The following CAPZB variants were observed in gnomAD, a reference collection of about 807,000 sequenced individuals.
CAPZB encodes F-actin-capping protein subunit beta.
A neutral mutation model predicts 38.1 loss-of-function variants in CAPZB; 2 were observed. The observed-to-expected ratio is 0.05, with a 90% CI of 0.02 to 0.17. CAPZB has a LOEUF of 0.17. Among genes scored for constraint, CAPZB ranks in the 10% least tolerant of loss-of-function variants. The probability of loss-of-function intolerance (pLI) is 1.00; values close to 1 mark genes in which losing one functional copy is unlikely to be tolerated. For synonymous variants in CAPZB, 107 were observed against 127.4 expected (o/e 0.84, Z 1.08); for missense variants, 161 against 334.2 (o/e 0.48, Z 4.04).
At chr1:19,438,185 C>G (rs1300830441) in intron 1 of CAPZB, among the ~76,000 whole-genome samples, 4 of 152,142 alleles carry the variant, frequency 2.6e-5, no homozygotes, top group African/African-American at 9.7e-5. Flanking sequence ...GCGCTGCCAG[C>G]TGGAATCGCT....
chr1:19,340,340 G>C (rs1323642909), intron 8 of CAPZB, among the ~76,000 whole-genome samples: 1 of 152,216 alleles, frequency 6.6e-6, no homozygotes, highest in Non-Finnish European at 1.5e-5. Flanking sequence ...GCACAGGACA[G>C]CCAAGTGCCC....
rs572803899 is a variant in CAPZB at position 19,462,331 on chromosome 1, G to A, written c.3+23105C>T. ...AAATTAGCCAGGCGTGGTGGCGGGC[G>A]CCTGTAGTCCCAGCTACTCAGGAGG... On this transcript the variant is annotated intron_variant, in intron 1 of 8. Transcript: ENST00000264202. 7.6e-3 allele frequency among the ~76,000 whole-genome samples: 1,151 copies of A among 151,856 alleles called. 5 individuals are homozygous for A. The highest frequency in any genetic ancestry group is 0.024 in the African/African-American group (979 of 41,394).
intron 1 of CAPZB, among the ~76,000 whole-genome samples, chr1:19,448,141 G>A (rs2094502694): frequency 2.0e-5 from 3 of 152,186 alleles, no homozygotes; most frequent in Admixed American, 2.0e-4. Context: ...CGCATCAAGG[G>A]GCCACAGTCT....
At chr1:19,412,256 C>T (rs910810487) in intron 2 of CAPZB, among the ~76,000 whole-genome samples, 1 of 152,140 alleles carries the variant, frequency 6.6e-6, no homozygotes, top group South Asian at 2.1e-4. Flanking sequence ...ATCCATTCCG[C>T]GGCTCCTGCT....
chr1:19,407,953 C>T (rs2094340131), intron 2 of CAPZB, among the ~76,000 whole-genome samples: 1 of 152,214 alleles, frequency 6.6e-6, no homozygotes, highest in Non-Finnish European at 1.5e-5. Context: ...GGCTCACCTT[C>T]TGACCTCCAT....
chr1:19,351,551 CA>C (rs1043888603), intron 6 of CAPZB, among the ~76,000 whole-genome samples: 3 of 152,114 alleles, frequency 2.0e-5, no homozygotes, highest in African/African-American at 7.2e-5. Flanking sequence ...CCTGGCCAAA[CA>C]ATCTTCTTGC....
At chr1:19,434,016 A>C (rs575112189) in intron 1 of CAPZB, among the ~76,000 whole-genome samples, 4 of 152,346 alleles carry the variant, frequency 2.6e-5, no homozygotes, top group South Asian at 2.1e-4. Flanking sequence ...GAAATGTACA[A>C]TGCAACACTC....
At chr1:19,476,663 G>T (rs1312181631) in intron 1 of CAPZB, among the ~76,000 whole-genome samples, 1 of 152,228 alleles carries the variant, frequency 6.6e-6, no homozygotes, top group Non-Finnish European at 1.5e-5. Context: ...CTGTCCAGTA[G>T]GCCAAGCCAC....
At position 19,343,367 on chromosome 1, in the gene CAPZB, C is replaced by G. The variant is rs111484206; in HGVS notation, c.731+991G>C. On this transcript the variant is annotated intron_variant, in intron 8 of 8. Coordinates refer to ENST00000264202, the MANE Select transcript of CAPZB (RefSeq NM_004930.5). ...CCCAGTCCACGAGCTGGGGCAGCCC[C>G]GGGACTGCAGCCTGCCTCTCCTCTG... 2.0e-3 allele frequency among the ~76,000 whole-genome samples: 302 copies of G among 152,350 alleles called. 3 individuals carry two copies. Among genetic ancestry groups the G allele is most frequent in the Middle Eastern group, 3.4e-3 (1 of 294 alleles).
At chr1:19,342,761 CTTAA>C in intron 8 of CAPZB, 1 of 1,607,938 alleles carries the variant, frequency 6.2e-7, no homozygotes, top group South Asian at 1.1e-5. Context: ...CCTGGATCGG[CTTAA>C]TTATCAGGCT....
intron 2 of CAPZB, among the ~76,000 whole-genome samples, chr1:19,411,941 C>A (rs959942819): frequency 3.9e-5 from 6 of 152,198 alleles, no homozygotes; most frequent in African/African-American, 7.2e-5. Context: ...TCCGGAGAGG[C>A]CAGGATGGGC....
chr1:19,376,745 C>G (rs1226950876), intron 4 of CAPZB, among the ~76,000 whole-genome samples: 2 of 152,326 alleles, frequency 1.3e-5, no homozygotes, highest in African/African-American at 4.8e-5. Flanking sequence ...GGGCAGGGGC[C>G]TCATCTACCA....
intron 2 of CAPZB, among the ~76,000 whole-genome samples, chr1:19,415,095 T>C (rs2094373262): frequency 1.3e-5 from 2 of 152,250 alleles, no homozygotes; most frequent in South Asian, 4.1e-4. Context: ...CAGACCATGG[T>C]GGACTGGATC....
chr1:19,424,012 A>G (rs539445984), intron 1 of CAPZB, among the ~76,000 whole-genome samples: 2 of 151,668 alleles, frequency 1.3e-5, no homozygotes, highest in South Asian at 2.1e-4. Context: ...GGGTTTTGCT[A>G]TGTTGCCCAG....
intron 1 of CAPZB, among the ~76,000 whole-genome samples, chr1:19,483,617 C>G (rs2094638736): frequency 6.6e-6 from 1 of 152,232 alleles, no homozygotes; most frequent in East Asian, 1.9e-4. Flanking sequence ...TTCCCATCAC[C>G]TGGCGAGAAT....
intron 4 of CAPZB, among the ~76,000 whole-genome samples, chr1:19,360,178 C>A (rs996018164): frequency 2.0e-5 from 3 of 152,180 alleles, no homozygotes; most frequent in African/African-American, 7.2e-5. Context: ...AGTTAACTTA[C>A]GAGGCACATC....
At chr1:19,367,436 A>C (rs1430438689) in intron 4 of CAPZB, among the ~76,000 whole-genome samples, 4 of 152,360 alleles carry the variant, frequency 2.6e-5, no homozygotes, top group Non-Finnish European at 5.9e-5. Context: ...GTCCGTCAGA[A>C]ACACAAAGTG....
In CAPZB at chr1:19,386,755, C is replaced by T. The variant is rs150253552; in HGVS notation, c.94-1129G>A. On this transcript the variant is annotated intron_variant, in intron 2 of 8. Coordinates refer to ENST00000264202, the MANE Select transcript of CAPZB (RefSeq NM_004930.5). ...CTTTAGAACTCAGCTTGGAAAGCAA[C>T]GCCCAGCACAACTAAAGGACTGTAA... Among the ~76,000 whole-genome samples the T allele has an allele frequency of 2.2e-4, 34 of 152,306 alleles. 1 individual carries two copies. Among genetic ancestry groups the T allele is most frequent in the African/African-American group, 7.5e-4 (31 of 41,568 alleles).
intron 2 of CAPZB, among the ~76,000 whole-genome samples, chr1:19,407,177 C>T (rs762502317): frequency 3.8e-4 from 58 of 152,204 alleles, no homozygotes; most frequent in African/African-American, 9.9e-4. Context: ...GTAGGGGGCA[C>T]TAAATGGCCA....
Sources: gnomAD v4.1 joint callset for allele counts (sites outside exome capture counted in the v4.1 genomes callset) on GRCh38, gnomAD v4.1.1 for gene constraint, MANE v1.5 for transcripts, NCBI Gene and HGNC (gene_info 2026-07-23, HGNC 2026-07-21) for gene names.